Variants in PPP1R9A observed in about 807,000 individuals in gnomAD.
The protein encoded by PPP1R9A is protein phosphatase 1 regulatory subunit 9A.
In PPP1R9A, 59 loss-of-function variants were observed where a neutral mutation model predicts 141.9. That is an observed-to-expected ratio of 0.42 (90% CI 0.34 to 0.52). The LOEUF (loss-of-function observed/expected upper bound fraction) is 0.52. PPP1R9A is among the 20% of genes least tolerant of loss of function. The probability of loss-of-function intolerance (pLI) is 0.10; values close to 1 mark genes in which losing one functional copy is unlikely to be tolerated. For missense variants in PPP1R9A, 1,444 were observed against 1,611.9 expected (o/e 0.90, Z 1.78); for synonymous variants, 500 against 569.7 (o/e 0.88, Z 1.74).
intron 2 of PPP1R9A, among the ~76,000 whole-genome samples, chr7:95,100,013 C>T (rs1045361065): frequency 1.3e-5 from 2 of 151,866 alleles, no homozygotes; most frequent in African/African-American, 2.4e-5. Flanking sequence ...GAAAATTTAA[C>T]TTTTCATATA....
intron 4 of PPP1R9A, among the ~76,000 whole-genome samples, chr7:95,159,108 T>G (rs1245682519): frequency 6.6e-6 from 1 of 152,224 alleles, no homozygotes; most frequent in Admixed American, 6.5e-5. Context: ...CAGCAATATT[T>G]TATTATACCT....
At chr7:94,970,133 A>C (rs1798699184) in intron 2 of PPP1R9A, among the ~76,000 whole-genome samples, 1 of 152,094 alleles carries the variant, frequency 6.6e-6, no homozygotes, top group Admixed American at 6.5e-5. Flanking sequence ...CCCTGCCTTC[A>C]GCCCCCTTTC....
chr7:95,181,519 T>C (rs910941447), intron 5 of PPP1R9A, among the ~76,000 whole-genome samples: 6 of 137,866 alleles, frequency 4.4e-5, no homozygotes, highest in Non-Finnish European at 9.1e-5. Context: ...AATATATATA[T>C]TCCATCATAT....
chr7:95,061,445 G>T (rs181451541), intron 2 of PPP1R9A, among the ~76,000 whole-genome samples: 1 of 152,288 alleles, frequency 6.6e-6, no homozygotes, highest in Admixed American at 6.5e-5. Flanking sequence ...GATGTGCAAA[G>T]AGCTATGGCG....
At position 95,250,177 on chromosome 7, in the gene PPP1R9A, A is replaced by G. The variant is rs1296563513; in HGVS notation, c.2318A>G (p.Lys773Arg). The change falls in exon 10 of 20, where the codon AAA (lysine) becomes AGA (arginine). Residue 773 changes from lysine to arginine, a missense_variant. This residue lies in a region of PPP1R9A where 488 missense variants were observed against 542.0 expected (regional missense o/e 0.90). Transcript: ENST00000433360. The stretch of plus-strand genomic sequence containing the variant: ...TGCCACACAGTGAATGAGCATCTCA[A>G]AGAGACTCAAAGCCAGTATCAGGCC... ...TLCHTVNEHL[K>R]ETQSQYQALE... The G allele has an allele frequency of 7.4e-6, 12 of 1,613,864 alleles. No homozygotes were observed. The highest frequency in any genetic ancestry group is 1.0e-5 in the Non-Finnish European group (12 of 1,179,938).
chr7:95,140,282 C>T (rs770241744), intron 4 of PPP1R9A, among the ~76,000 whole-genome samples: 1 of 152,100 alleles, frequency 6.6e-6, no homozygotes, highest in Non-Finnish European at 1.5e-5. Context: ...AACCTCTGTC[C>T]CTCTAACCAC....
At chr7:95,194,285 A>G (rs1835916263) in intron 5 of PPP1R9A, among the ~76,000 whole-genome samples, 1 of 152,090 alleles carries the variant, frequency 6.6e-6, no homozygotes, top group African/African-American at 2.4e-5. Context: ...TTCTTTAAGC[A>G]TGTTAAAGAC....
Position 95,134,696 on chromosome 7 carries a change from A to G in PPP1R9A, c.1649+13864A>G, listed in dbSNP as rs575762856. The stretch of plus-strand genomic sequence containing the variant: ...GTGATGTACCCACCTTGGCCCCCCA[A>G]AGTGTTGGGATTACAGGCATGAGCC... On this transcript the variant is annotated intron_variant, in intron 4 of 19. Coordinates refer to ENST00000433360, the MANE Select transcript of PPP1R9A (RefSeq NM_001166160.2). Among the ~76,000 whole-genome samples the G allele has an allele frequency of 2.6e-5, 4 of 152,260 alleles. No homozygotes were observed. In the South Asian group the frequency reaches 6.2e-4, roughly 24 times the overall value.
intron 6 of PPP1R9A, 106 bp downstream of exon 6, chr7:95,198,590 G>T (rs866453585): frequency 7.6e-7 from 1 of 1,321,270 alleles, no homozygotes; most frequent in Middle Eastern, 2.0e-4. Flanking sequence ...TGAGGAAGGT[G>T]TGTCCACATT....
chr7:95,064,391 C>T (rs1812671483), intron 2 of PPP1R9A, among the ~76,000 whole-genome samples: 1 of 152,172 alleles, frequency 6.6e-6, no homozygotes, highest in Non-Finnish European at 1.5e-5. Context: ...CTCCGTAAGG[C>T]ACATCACAAC....
chr7:95,275,221 A>G (rs1802937102), intron 16 of PPP1R9A, among the ~76,000 whole-genome samples: 1 of 152,058 alleles, frequency 6.6e-6, no homozygotes, highest in African/African-American at 2.4e-5. Flanking sequence ...CAGCCCGGCC[A>G]ACATGGCGAA....
intron 5 of PPP1R9A, among the ~76,000 whole-genome samples, chr7:95,167,745 T>C (rs1464456818): frequency 6.6e-6 from 1 of 151,946 alleles, no homozygotes; most frequent in Non-Finnish European, 1.5e-5. Context: ...TAAGTGCTGT[T>C]TCTATACAAA....
At chr7:95,129,091 A>G (rs973331784) in intron 4 of PPP1R9A, among the ~76,000 whole-genome samples, 2 of 152,162 alleles carry the variant, frequency 1.3e-5, no homozygotes, top group South Asian at 4.1e-4. Context: ...TCCTAGCACT[A>G]TTTATTGCAT....
chr7:94,946,221 G>A (rs886396703), intron 2 of PPP1R9A, among the ~76,000 whole-genome samples: 1 of 151,936 alleles, frequency 6.6e-6, no homozygotes, highest in African/African-American at 2.4e-5. Flanking sequence ...TCTAAAATGG[G>A]GAATAGATAA....
intron 16 of PPP1R9A, among the ~76,000 whole-genome samples, chr7:95,277,595 T>TA (rs1038585388): frequency 5.5e-4 from 82 of 149,748 alleles, no homozygotes; most frequent in African/African-American, 1.4e-3. Flanking sequence ...ATGTCCAGCT[T>TA]AAAAAAAAAA....
At chr7:95,012,377 A>C (rs1243632755) in intron 2 of PPP1R9A, among the ~76,000 whole-genome samples, 1 of 152,084 alleles carries the variant, frequency 6.6e-6, no homozygotes, top group Non-Finnish European at 1.5e-5. Flanking sequence ...GAACAGCACT[A>C]GGGGAATAGT....
chr7:94,987,086 T>C (rs561876875), intron 2 of PPP1R9A, among the ~76,000 whole-genome samples: 1 of 152,272 alleles, frequency 6.6e-6, no homozygotes, highest in African/African-American at 2.4e-5. Flanking sequence ...AGTTTAGGAA[T>C]AAAAATAAAA....
intron 8 of PPP1R9A, among the ~76,000 whole-genome samples, chr7:95,243,691 G>A (rs151215772): frequency 1.3e-4 from 20 of 152,132 alleles, no homozygotes; most frequent in South Asian, 8.3e-4. Flanking sequence ...TTTTGTTTCC[G>A]CTCCATCACC....
chr7:95,175,885 A>C (rs1832828560), intron 5 of PPP1R9A, among the ~76,000 whole-genome samples: 1 of 152,136 alleles, frequency 6.6e-6, no homozygotes, highest in South Asian at 2.1e-4. Context: ...TGAGGGTCTT[A>C]AATATTTATC....
Sources: gnomAD v4.1 joint callset for allele counts (sites outside exome capture counted in the v4.1 genomes callset) on GRCh38, gnomAD v4.1.1 for gene constraint, gnomAD v4.1.1 regional missense constraint, MANE v1.5 for transcripts, NCBI Gene and HGNC (gene_info 2026-07-23, HGNC 2026-07-21) for gene names.